TBP: variants seen among roughly 807,000 people sequenced by gnomAD.
TBP encodes TATA-box-binding protein.
TBP carries 12 observed loss-of-function variants against 46.2 expected under a neutral mutation model. The observed-to-expected ratio is 0.26, with a 90% confidence interval of 0.17 to 0.42. The LOEUF (loss-of-function observed/expected upper bound fraction) is 0.42, where lower values mean the gene tolerates loss of function less well. Ranked by LOEUF, TBP falls within the 10% of genes least tolerant of loss-of-function variation. The pLI is 1.00. For missense variants in TBP, 229 were observed against 403.1 expected, an observed-to-expected ratio of 0.57 and a Z score of 3.70; for synonymous variants, 157 against 148.3, an observed-to-expected ratio of 1.06 and a Z score of -0.42.
At position 170,560,323 on chromosome 6, in the gene TBP, T is replaced by A. The variant is rs143153971; in HGVS notation, c.55-1468T>A. ...AGACCAACCTGGGTAACAAAACAAG[T>A]CCCTGTTGCTACAAAAAAAAATTTT... is the stretch of plus-strand genomic sequence containing the variant. On this transcript the variant is annotated intron_variant, in intron 2 of 7. Coordinates refer to ENST00000392092, the MANE Select transcript of TBP (RefSeq NM_003194.5). Among the ~76,000 whole-genome samples the A allele has an allele frequency of 2.4e-3, 359 of 152,062 alleles. 1 individual carries two copies. In the Middle Eastern group the frequency reaches 0.024, roughly 10 times the overall value.
At chr6:170,571,583 T>A (rs1457633243) in intron 7 of TBP, 79 bp downstream of exon 7, 4 of 1,162,260 alleles carry the variant, frequency 3.4e-6, no homozygotes, top group Non-Finnish European at 5.1e-6. Flanking sequence ...GAAAAGAAAT[T>A]TCAGTGTTCG....
chr6:170,558,711 T>G (rs571031260), intron 2 of TBP, among the ~76,000 whole-genome samples: 1 of 151,802 alleles, frequency 6.6e-6, no homozygotes, highest in African/African-American at 2.4e-5. Flanking sequence ...TTTTTTTAAT[T>G]TTTTTTTTCA....
chr6:170,571,412 A>G lies in TBP; in HGVS notation c.848A>G (p.Tyr283Cys). The G allele has an allele frequency of 6.2e-7, 1 of 1,612,194 alleles. No homozygotes were observed. Among genetic ancestry groups the G allele is most frequent in the Non-Finnish European group, 8.5e-7 (1 of 1,179,264 alleles). Reference protein sequence around the residue: ...LVLTHQQFSSYEPELFPGLIY... With the variant: ...LVLTHQQFSSCEPELFPGLIY... ...ACTTTTTGCAATTTTCCTTCTAGTTATGAGCCAGAGTTATTTCCTGGTTTA... is the reference window on the plus strand; with the variant it reads ...ACTTTTTGCAATTTTCCTTCTAGTTGTGAGCCAGAGTTATTTCCTGGTTTA... The change falls in exon 7 of 8, where the codon TAT (tyrosine) becomes TGT (cysteine). Residue 283 changes from tyrosine to cysteine, a missense_variant and splice_region_variant. Tyr to Cys is a radical substitution (Grantham distance 194). Transcript: ENST00000392092.
chr6:170,558,312 T>A (rs1345846795), intron 2 of TBP, among the ~76,000 whole-genome samples: 3 of 152,266 alleles, frequency 2.0e-5, no homozygotes, highest in Non-Finnish European at 4.4e-5. Flanking sequence ...TTTTGCAGCA[T>A]AAGAGATTTA....
At position 170,571,397 on chromosome 6, in the gene TBP, A is replaced by AT. The variant is rs1162947288; in HGVS notation, c.846-9dup. On this transcript the variant is annotated splice_polypyrimidine_tract_variant and intron_variant, in intron 6 of 7. Coordinates refer to ENST00000392092, the MANE Select transcript of TBP (RefSeq NM_003194.5). Reference sequence around the variant, plus strand: ...GCTCTTGATTTCTAAACTTTTTGCAATTTTCCTTCTAGTTATGAGCCAGAG... The same window carrying AT: ...GCTCTTGATTTCTAAACTTTTTGCAATTTTTCCTTCTAGTTATGAGCCAGAG... 6.2e-7 allele frequency: 1 copy of AT among 1,603,558 alleles called. No homozygotes were observed. The highest frequency in any genetic ancestry group is 8.5e-7 in the Non-Finnish European group (1 of 1,173,812).
chr6:170,570,170 T>C (rs141558119), intron 6 of TBP, among the ~76,000 whole-genome samples: 152 of 152,336 alleles, frequency 1.0e-3, no homozygotes, highest in Non-Finnish European at 1.9e-3. Flanking sequence ...AGTTGAGCGA[T>C]AGGAACAACT....
intron 7 of TBP, 39 bp downstream of exon 7, chr6:170,571,543 G>A (rs2115003824): frequency 6.8e-7 from 1 of 1,466,642 alleles, no homozygotes; most frequent in Non-Finnish European, 9.5e-7. Context: ...AAGTTTGTAA[G>A]TGTTTTGAGT....
At chr6:170,571,357 C>A in intron 6 of TBP, 53 bp from the exon 7 acceptor site, 2 of 1,341,380 alleles carry the variant, frequency 1.5e-6, no homozygotes, top group Non-Finnish European at 2.1e-6. Flanking sequence ...CTCATTTTAT[C>A]TAAAAGCACA....
At chr6:170,556,848 CTTAAA>C in intron 1 of TBP, 29 bp from the exon 2 acceptor site, 1 of 619,834 alleles carries the variant, frequency 1.6e-6, no homozygotes. Flanking sequence ...TACCTGGATC[CTTAAA>C]TTAAACTTTA....
chr6:170,557,117 G>A (rs770671659), intron 2 of TBP, 34 bp downstream of exon 2: 47 of 1,591,550 alleles, frequency 3.0e-5, no homozygotes, highest in East Asian at 4.5e-5. Flanking sequence ...TAGGGAGGGC[G>A]GAAATCTGAA....
chr6:170,563,708 A>C (rs898682069), intron 3 of TBP, among the ~76,000 whole-genome samples: 28 of 152,226 alleles, frequency 1.8e-4, no homozygotes, highest in South Asian at 4.1e-4. Flanking sequence ...ATGTATTTGA[A>C]ATCTGGACTC....
chr6:170,556,985 T>C lies in TBP; in HGVS notation c.-45T>C, dbSNP rs369728326. 4 of 1,602,388 alleles carry C rather than the reference T, an allele frequency of 2.5e-6. No homozygotes were observed. The highest frequency in any genetic ancestry group is 2.6e-6 in the Non-Finnish European group (3 of 1,170,770). Reference sequence around the variant, plus strand: ...GGAAAAAATTGAATAGTGAGACGAGTTCCAGCGCAAGGGTTTCTGGTTTGC... The same window carrying C: ...GGAAAAAATTGAATAGTGAGACGAGCTCCAGCGCAAGGGTTTCTGGTTTGC... On this transcript the variant is annotated 5_prime_UTR_variant, in exon 2 of 8. Coordinates refer to ENST00000392092, the MANE Select transcript of TBP (RefSeq NM_003194.5).
At chr6:170,565,815 G>C (rs1779233701) in intron 4 of TBP, among the ~76,000 whole-genome samples, 1 of 152,212 alleles carries the variant, frequency 6.6e-6, no homozygotes, top group African/African-American at 2.4e-5. Flanking sequence ...ACTCAGACCT[G>C]TAATTCCAGC....
In TBP at chr6:170,572,828, C is replaced by G. The variant is rs1779389927; in HGVS notation, c.*563C>G. On this transcript the variant is annotated 3_prime_UTR_variant, in exon 8 of 8. Transcript: ENST00000392092. ...TATTTTTTTCTTTCTTCAGAGTACTCTGTACAATAAATGCAGTTTATAAAA... is the reference window on the plus strand; with the variant it reads ...TATTTTTTTCTTTCTTCAGAGTACTGTGTACAATAAATGCAGTTTATAAAA... 2 of 152,820 alleles carry G rather than the reference C, an allele frequency of 1.3e-5. No individual in the cohort carries two copies. Among genetic ancestry groups the G allele is most frequent in the Non-Finnish European group, 2.9e-5 (2 of 68,264 alleles). 9.5% of individuals were successfully genotyped at this position (152,820 alleles called of 1,614,324 possible).
intron 2 of TBP, among the ~76,000 whole-genome samples, chr6:170,559,634 C>T (rs556883783): frequency 6.6e-6 from 1 of 152,310 alleles, no homozygotes; most frequent in Admixed American, 6.5e-5. Flanking sequence ...AGGAGAGAGG[C>T]CTTCTCCACA....
Position 170,567,012 on chromosome 6 carries a change from A to G in TBP, c.677+3A>G. 6.2e-7 allele frequency: 1 copy of G among 1,612,146 alleles called. No individual in the cohort carries two copies. Among genetic ancestry groups the G allele is most frequent in the Non-Finnish European group, 8.5e-7 (1 of 1,178,880 alleles). ...ATGGTGTGCACAGGAGCCAAGAGGT[A>G]GCCGTAAGAAATTCATTCTTCTGGT... On this transcript the variant is annotated splice_donor_region_variant and intron_variant, in intron 5 of 7. Transcript: ENST00000392092.
intron 5 of TBP, among the ~76,000 whole-genome samples, chr6:170,568,195 G>C: frequency 6.6e-6 from 1 of 152,094 alleles, no homozygotes; most frequent in South Asian, 2.1e-4. Context: ...TTGTTTGCTT[G>C]TTTTCCCCTG....
At chr6:170,560,218 GC>G (rs1249691932) in intron 2 of TBP, among the ~76,000 whole-genome samples, 1 of 152,156 alleles carries the variant, frequency 6.6e-6, no homozygotes, top group Admixed American at 6.5e-5. Flanking sequence ...AAGAAATACA[GC>G]AGGGCATGGT....
intron 4 of TBP, among the ~76,000 whole-genome samples, chr6:170,565,029 C>T (rs562975303): frequency 1.8e-4 from 24 of 130,710 alleles, no homozygotes; most frequent in Admixed American, 9.1e-4. Flanking sequence ...TGGTGGCATG[C>T]GCCTGTAATC....
Sources: allele counts gnomAD v4.1 joint callset (sites outside exome capture counted in the v4.1 genomes callset), GRCh38; gene constraint gnomAD v4.1.1; transcripts MANE v1.5; gene names NCBI Gene and HGNC (gene_info 2026-07-23, HGNC 2026-07-21).